Variants in CHAF1A observed in about 807,000 individuals in gnomAD.
CHAF1A encodes the protein chromatin assembly factor 1 subunit A.
In CHAF1A, 5 loss-of-function variants were observed where a neutral mutation model predicts 93.2. That is an observed-to-expected ratio of 0.05 (90% CI 0.03 to 0.11). The LOEUF (loss-of-function observed/expected upper bound fraction) is 0.11, where lower values mean the gene tolerates loss of function less well. CHAF1A is among the 10% of genes least tolerant of loss of function. The pLI is 1.00. For missense variants in CHAF1A, 1,102 were observed against 1,259.9 expected (o/e 0.87, Z 1.90); for synonymous variants, 504 against 510.3 (o/e 0.99, Z 0.17).
In CHAF1A at chr19:4,402,863, T is replaced by C. The variant is rs955738237; in HGVS notation, c.52+49T>C. 8.9e-4 allele frequency: 1,000 copies of C among 1,127,854 alleles called. 2 individuals carry two copies. Among genetic ancestry groups the C allele is most frequent in the Non-Finnish European group, 1.0e-3 (936 of 902,332 alleles). 69.9% of individuals were successfully genotyped at this position (1,127,854 alleles called of 1,614,324 possible). A position where few individuals can be genotyped will look rare whatever the true frequency, so the allele number is the denominator to read the frequency against. On this transcript the variant is annotated intron_variant, in intron 1 of 14. Coordinates refer to ENST00000301280, the MANE Select transcript of CHAF1A (RefSeq NM_005483.3). ...GGAAGGGGGGGCGCGGCGCGCGGCC[T>C]GGACGGGCCGAGGCGGCGATGGGAG...
chr19:4,445,475 C>T (rs1443453666), downstream of CHAF1A: 5 of 1,613,536 alleles, frequency 3.1e-6, no homozygotes, highest in East Asian at 4.5e-5. Context: ...ACCCACAGGG[C>T]TGAGGCCAAC....
downstream of CHAF1A, chr19:4,445,586 G>C (rs146350492): frequency 2.6e-4 from 424 of 1,613,720 alleles, 3 homozygotes; most frequent in African/African-American, 4.6e-3. Flanking sequence ...CTCCAGCACA[G>C]CCATGTCCCA....
At chr19:4,441,691 G>A (rs1974392156) in intron 13 of CHAF1A, among the ~76,000 whole-genome samples, 2 of 151,958 alleles carry the variant, frequency 1.3e-5, no homozygotes, top group African/African-American at 2.4e-5. Flanking sequence ...CGGATCACGA[G>A]GTCAGGAGAT....
At chr19:4,447,453 C>G, downstream of CHAF1A, 1 of 1,375,740 alleles carries the variant, frequency 7.3e-7, no homozygotes, top group Admixed American at 1.7e-5. Flanking sequence ...CTAGCTCCTC[C>G]AGGGAGCCCA....
At chr19:4,438,431 T>C (rs2145147590) in intron 13 of CHAF1A, among the ~76,000 whole-genome samples, 1 of 151,976 alleles carries the variant, frequency 6.6e-6, no homozygotes, top group East Asian at 2.0e-4. Context: ...ACTTGTGGGC[T>C]CAAGCAATCC....
At chr19:4,445,564 G>C (rs375913154), downstream of CHAF1A, 1 of 1,613,816 alleles carries the variant, frequency 6.2e-7, no homozygotes, top group South Asian at 1.1e-5. Flanking sequence ...CGGCCCCCGC[G>C]GCCTTGATGT....
intron 13 of CHAF1A, among the ~76,000 whole-genome samples, chr19:4,442,019 A>T (rs1974399787): frequency 6.6e-6 from 1 of 152,240 alleles, no homozygotes; most frequent in Non-Finnish European, 1.5e-5. Context: ...TGGAGATCTG[A>T]ATCCAGTTCA....
chr19:4,422,658 G>A lies in CHAF1A; in HGVS notation c.1110G>A (p.Glu370=), dbSNP rs749246122. Residue 370 remains glutamate, a synonymous_variant, in exon 5 of 15, where the codon GAG becomes GAA. Coordinates refer to ENST00000301280, the MANE Select transcript of CHAF1A (RefSeq NM_005483.3). The surrounding 1 kb of genome is among the most constrained non-coding windows in gnomAD (Gnocchi z 4.6). ...AGGAGGCCAAGCGGGCCAAGGAGGAGGCCAAGAAGAAGAAGGAGGAAGAGA... is the reference window on the plus strand; with the variant it reads ...AGGAGGCCAAGCGGGCCAAGGAGGAAGCCAAGAAGAAGAAGGAGGAAGAGA... The part of the protein sequence containing the change: ...LKEEAKRAKE[E]AKKKKEEEKE... 6.8e-6 allele frequency: 11 copies of A among 1,607,256 alleles called. No individual in the cohort carries two copies. In the East Asian group the frequency reaches 2.0e-4, roughly 29 times the overall value.
At position 4,409,065 on chromosome 19, in the gene CHAF1A, C is replaced by T. The variant is rs150043386; in HGVS notation, c.266C>T (p.Pro89Leu). ...GTGGGTTCTGACATAGACTTTAGAC[C>T]GAAACTTGTCAACGGGAAGGGTCCC... ...CHVGSDIDFR[P>L]KLVNGKGPLD... The change falls in exon 3 of 15, where the codon CCG becomes CTG. Residue 89 changes from proline (P) to leucine (L), a missense_variant. By Grantham distance (98) the Pro-to-Leu change is moderately conservative. Around this residue, in one of 6 missense-constraint regions of CHAF1A, gnomAD observed 379 missense variants for 365.7 expected, o/e 1.04. Coordinates refer to ENST00000301280, the MANE Select transcript of CHAF1A (RefSeq NM_005483.3). The T allele has an allele frequency of 1.7e-5, 27 of 1,613,968 alleles. No individual in the cohort carries two copies. The highest frequency in any genetic ancestry group is 1.3e-4 in the Admixed American group (8 of 59,980).
chr19:4,443,753 C>A (rs537719749), downstream of CHAF1A, among the ~76,000 whole-genome samples: 3 of 152,224 alleles, frequency 2.0e-5, no homozygotes, highest in East Asian at 5.8e-4. Flanking sequence ...GCATCTTTTG[C>A]GAGTGCTGGA....
At chr19:4,412,703 C>G (rs1430442019) in intron 3 of CHAF1A, among the ~76,000 whole-genome samples, 1 of 152,226 alleles carries the variant, frequency 6.6e-6, no homozygotes, top group African/African-American at 2.4e-5. Context: ...ACCCAGTGTG[C>G]AACATTTAGG....
chr19:4,441,985 G>T (rs1205122844), intron 13 of CHAF1A, among the ~76,000 whole-genome samples: 1 of 152,252 alleles, frequency 6.6e-6, no homozygotes, highest in African/African-American at 2.4e-5. Context: ...AAATTATTCT[G>T]CAGTTGGCAA....
chr19:4,446,060 C>CAAGGCCAG, downstream of CHAF1A: 1 of 1,611,698 alleles, frequency 6.2e-7, no homozygotes, highest in Non-Finnish European at 8.5e-7. Context: ...AGCCCGCACT[C>CAAGGCCAG]GTTCAAGGCC....
downstream of CHAF1A, chr19:4,446,898 C>T: frequency 6.2e-7 from 1 of 1,613,978 alleles, no homozygotes; most frequent in Non-Finnish European, 8.5e-7. Context: ...CTCGTGGGTC[C>T]CTTCCAGGCA....
chr19:4,433,181 G>C lies in CHAF1A; in HGVS notation c.2315G>C (p.Ser772Thr). ...GGACTGCTCAGCAACCACACCGGCA[G>C]CCCGCGGAGCCCCTCCACCACCTAC... The part of the protein sequence containing the change: ...RRGLLSNHTG[S>T]PRSPSTTYLH... The change falls in exon 13 of 15, where the codon AGC becomes ACC. Residue 772 changes from serine to threonine, a missense_variant. By Grantham distance (58) the Ser-to-Thr change is moderately conservative. Transcript: ENST00000301280. The surrounding 1 kb of genome is among the most constrained non-coding windows in gnomAD (Gnocchi z 5.6). The C allele has an allele frequency of 6.2e-7, 1 of 1,613,698 alleles. No homozygotes were observed. The highest frequency in any genetic ancestry group is 8.5e-7 in the Non-Finnish European group (1 of 1,179,856).
rs1346724891 is a variant in CHAF1A, at chr19:4,438,204, C to T, written c.2674-4041C>T. 2.0e-5 allele frequency among the ~76,000 whole-genome samples: 3 copies of T among 152,096 alleles called. No individual in the cohort carries two copies. In the East Asian group the frequency reaches 5.8e-4, roughly 29 times the overall value. ...TTTTTTCTGAATTTCTCCCTCCCAC[C>T]GTCACATAGGCTCCAGTGTCTGTTG... On this transcript the variant is annotated intron_variant, in intron 13 of 14. Coordinates refer to ENST00000301280, the MANE Select transcript of CHAF1A (RefSeq NM_005483.3).
intron 3 of CHAF1A, among the ~76,000 whole-genome samples, chr19:4,410,283 C>G (rs1461352633): frequency 6.6e-6 from 1 of 152,098 alleles, no homozygotes; most frequent in Non-Finnish European, 1.5e-5. Context: ...TGGCTCATGC[C>G]TGTCATCCCA....
Position 4,443,040 on chromosome 19 carries a change from T to C in CHAF1A, c.*15T>C. ...GTGCATCCTGAGAGCAGGGGTGACG[T>C]ATGTAGAATGCTTAGGGTGTCCTCC... On this transcript the variant is annotated 3_prime_UTR_variant, in exon 15 of 15. Transcript: ENST00000301280. 1 of 1,500,650 alleles carries C rather than the reference T, an allele frequency of 6.7e-7. No individual in the cohort carries two copies. Among genetic ancestry groups the C allele is most frequent in the Non-Finnish European group, 9.1e-7 (1 of 1,093,194 alleles). 93.0% of individuals were successfully genotyped at this position (1,500,650 alleles called of 1,614,324 possible). A position where few individuals can be genotyped will look rare whatever the true frequency, so the allele number is the denominator to read the frequency against.
At chr19:4,446,721 T>C (rs1974536950), downstream of CHAF1A, 1 of 1,608,604 alleles carries the variant, frequency 6.2e-7, no homozygotes, top group African/African-American at 1.3e-5. Context: ...CGGGGTCCTC[T>C]ACAGCGTGGC....
Sources: gnomAD v4.1 joint callset for allele counts (sites outside exome capture counted in the v4.1 genomes callset) on GRCh38, gnomAD v4.1.1 for gene constraint, gnomAD v4.1.1 regional missense constraint, Gnocchi (gnomAD v3.1) non-coding constraint, MANE v1.5 for transcripts, NCBI Gene and HGNC (gene_info 2026-07-23, HGNC 2026-07-21) for gene names.